Variants in HECTD4 observed in about 807,000 individuals in gnomAD.
The protein encoded by HECTD4 is HECT domain E3 ubiquitin protein ligase 4.
A neutral mutation model predicts 471.5 loss-of-function variants in HECTD4; 114 were observed. That is an observed-to-expected ratio of 0.24 (90% CI 0.21 to 0.28). The LOEUF is 0.28. HECTD4 is among the 10% of genes least tolerant of loss of function. The pLI is 1.00. For missense variants in HECTD4, 3,866 were observed against 5,651.5 expected (o/e 0.68, Z 10.13); for synonymous variants, 2,012 against 2,256.0 (o/e 0.89, Z 3.07).
At chr12:112,252,070 C>T (rs897264463) in intron 23 of HECTD4, among the ~76,000 whole-genome samples, 1 of 152,146 alleles carries the variant, frequency 6.6e-6, no homozygotes, top group African/African-American at 2.4e-5. Context: ...CCACGCCCAG[C>T]CGGATGCTTA....
chr12:112,364,504 T>C (rs2036521888), intron 1 of HECTD4, among the ~76,000 whole-genome samples: 1 of 152,044 alleles, frequency 6.6e-6, no homozygotes, highest in Admixed American at 6.6e-5. Flanking sequence ...CCAAGGCAGA[T>C]AGATAGCTTC....
chr12:112,293,926 G>T (rs973115920), intron 7 of HECTD4, among the ~76,000 whole-genome samples: 8 of 152,116 alleles, frequency 5.3e-5, no homozygotes, highest in South Asian at 2.1e-4. Context: ...GGGAGGCAAG[G>T]TCTCACTCTG....
At chr12:112,377,479 C>T (rs1037995488) in intron 1 of HECTD4, among the ~76,000 whole-genome samples, 10 of 152,116 alleles carry the variant, frequency 6.6e-5, no homozygotes, top group African/African-American at 1.9e-4. Flanking sequence ...ACATCCAGGA[C>T]GGTTGGCCCA....
chr12:112,358,192 G>A (rs1207664961), intron 1 of HECTD4, among the ~76,000 whole-genome samples: 1 of 152,088 alleles, frequency 6.6e-6, no homozygotes. Flanking sequence ...GATAGAGCAA[G>A]ATTCTGTCTC....
chr12:112,348,360 C>T (rs1479679138), intron 1 of HECTD4, among the ~76,000 whole-genome samples: 1 of 152,026 alleles, frequency 6.6e-6, no homozygotes, highest in Non-Finnish European at 1.5e-5. Flanking sequence ...TCTACTATGC[C>T]CTTGAAATAG....
At chr12:112,265,594 T>C (rs1339731261) in intron 15 of HECTD4, among the ~76,000 whole-genome samples, 2 of 152,206 alleles carry the variant, frequency 1.3e-5, no homozygotes, top group Non-Finnish European at 2.9e-5. Context: ...GCAATTTGGA[T>C]GGTACTCTGA....
chr12:112,297,509 A>G (rs1286530919), intron 7 of HECTD4, among the ~76,000 whole-genome samples: 1 of 151,968 alleles, frequency 6.6e-6, no homozygotes, highest in Non-Finnish European at 1.5e-5. Flanking sequence ...TTGAAGATAG[A>G]GCAGACAGTA....
chr12:112,356,196 G>A (rs1261887312), intron 1 of HECTD4, among the ~76,000 whole-genome samples: 3 of 151,990 alleles, frequency 2.0e-5, no homozygotes, highest in African/African-American at 4.8e-5. Flanking sequence ...ACTACAATTC[G>A]ATTTGATTAA....
In HECTD4 at chr12:112,277,005, C is replaced by T. The variant is rs556620727; in HGVS notation, c.1688-2045G>A. On this transcript the variant is annotated intron_variant, in intron 9 of 75. Coordinates refer to ENST00000682272, the MANE Select transcript of HECTD4 (RefSeq NM_001388303.1). ...GAGATGAGAACGTAAAATGGTATGG[C>T]CACTTTGGGAAACAGTTTAGCAGTC... 6.6e-5 allele frequency among the ~76,000 whole-genome samples: 10 copies of T among 152,164 alleles called. No individual in the cohort carries two copies. In the South Asian group the frequency reaches 2.1e-3, roughly 32 times the overall value.
At chr12:112,303,545 C>T (rs769435115) in intron 7 of HECTD4, among the ~76,000 whole-genome samples, 6 of 152,040 alleles carry the variant, frequency 3.9e-5, no homozygotes, top group East Asian at 1.9e-4. Flanking sequence ...ATATGCTAGG[C>T]GGAATCAGAA....
At chr12:112,219,895 C>T (rs759500400) in intron 44 of HECTD4, among the ~76,000 whole-genome samples, 8 of 152,168 alleles carry the variant, frequency 5.3e-5, no homozygotes, top group Non-Finnish European at 1.2e-4. Context: ...CCACCGCGCC[C>T]AGCCTGAAAT....
chr12:112,301,225 C>T (rs1460396731), intron 7 of HECTD4, among the ~76,000 whole-genome samples: 2 of 150,868 alleles, frequency 1.3e-5, no homozygotes, highest in African/African-American at 2.4e-5. Context: ...CCCTGTTGCC[C>T]AGGCTGGAGT....
At chr12:112,170,714 A>T (rs571721312) in intron 68 of HECTD4, 1 of 497,566 alleles carries the variant, frequency 2.0e-6, no homozygotes, top group East Asian at 3.3e-5. Context: ...ACCTATTTTT[A>T]ATTTAAAAAA....
At chr12:112,325,719 C>T (rs2035727870) in intron 1 of HECTD4, among the ~76,000 whole-genome samples, 1 of 152,100 alleles carries the variant, frequency 6.6e-6, no homozygotes, top group Non-Finnish European at 1.5e-5. Flanking sequence ...GGTGATAATG[C>T]TAACGTTACC....
chr12:112,345,393 C>T (rs1214548356), intron 1 of HECTD4, among the ~76,000 whole-genome samples: 1 of 151,782 alleles, frequency 6.6e-6, no homozygotes, highest in African/African-American at 2.4e-5. Context: ...ACAAACAAAA[C>T]CAACCAACCA....
In HECTD4 at chr12:112,246,917, G is replaced by A. The variant is rs532973879; in HGVS notation, c.4497C>T (p.Thr1499=). ...QSGLTRSISG[T]PAETPACKSA... is the part of the protein sequence containing the mutation. ...GAGCAGTACCTGGTGTTTCAGCAGGGGTCCCAGAGATGCTTCTCGTGAGGC... is the reference window on the plus strand; with the variant it reads ...GAGCAGTACCTGGTGTTTCAGCAGGAGTCCCAGAGATGCTTCTCGTGAGGC... The change falls in exon 29 of 76, where the codon ACC becomes ACT. Residue 1499 remains threonine, a synonymous_variant. Coordinates refer to ENST00000682272, the MANE Select transcript of HECTD4 (RefSeq NM_001388303.1). 5 of 1,611,990 alleles carry A rather than the reference G, an allele frequency of 3.1e-6. No homozygotes were observed. Among genetic ancestry groups the A allele is most frequent in the Admixed American group, 3.3e-5 (2 of 59,918 alleles).
chr12:112,304,238 A>ATTTTTTT lies in HECTD4; in HGVS notation c.1335+1819_1335+1825dup, dbSNP rs760947859. Among the ~76,000 whole-genome samples, 115 of 104,386 alleles carry ATTTTTTT rather than the reference A, an allele frequency of 1.1e-3. 2 individuals carry two copies. In the East Asian group the frequency reaches 0.015, roughly 14 times the overall value. 68.5% of individuals were successfully genotyped at this position (104,386 alleles called of 152,430 possible). A position where few individuals can be genotyped will look rare whatever the true frequency, so the allele number is the denominator to read the frequency against. ...CCATTATTCTTAGGCTAAAGACCTA[A>ATTTTTTT]TTTTTTTTTTTTTTTTTTTTTTTTG... On this transcript the variant is annotated intron_variant, in intron 7 of 75. Coordinates refer to ENST00000682272, the MANE Select transcript of HECTD4 (RefSeq NM_001388303.1).
intron 32 of HECTD4, among the ~76,000 whole-genome samples, chr12:112,242,670 G>C (rs1193422651): frequency 6.6e-6 from 1 of 151,882 alleles, no homozygotes; most frequent in East Asian, 1.9e-4. Flanking sequence ...AGCACTTTGG[G>C]GGGGCCGAGG....
Position 112,261,381 on chromosome 12 carries a change from A to G in HECTD4, c.2797T>C (p.Cys933Arg). ...LALATQILTG[C>R]DEVLEMLQQV... ...TGTAGCATTTCCAACACTTCATCAC[A>G]TCCAGTCAGGATTTGGGTGGCAAGA... The change falls in exon 18 of 76, where the codon TGT becomes CGT. Residue 933 changes from cysteine (C) to arginine (R), a missense_variant. This residue lies in a region of HECTD4 where 525 missense variants were observed against 672.6 expected (regional missense o/e 0.78). Transcript: ENST00000682272. The G allele has an allele frequency of 6.2e-7, 1 of 1,611,528 alleles. No homozygotes were observed. Among genetic ancestry groups the G allele is most frequent in the East Asian group, 2.2e-5 (1 of 44,794 alleles).
Sources: allele counts gnomAD v4.1 joint callset (sites outside exome capture counted in the v4.1 genomes callset), GRCh38; gene constraint gnomAD v4.1.1; regional missense constraint gnomAD v4.1.1; transcripts MANE v1.5; gene names NCBI Gene and HGNC (gene_info 2026-07-23, HGNC 2026-07-21).